Variants in USP24 observed in about 807,000 individuals in gnomAD.
USP24 encodes ubiquitin specific peptidase 24.
A neutral mutation model predicts 361.6 loss-of-function variants in USP24; 97 were observed. The observed-to-expected ratio is 0.27, with a 90% CI of 0.23 to 0.32. The LOEUF (loss-of-function observed/expected upper bound fraction) is 0.32. Ranked by LOEUF, USP24 falls within the 10% of genes least tolerant of loss-of-function variation. The pLI is 1.00. For missense variants in USP24, 2,353 were observed against 3,165.6 expected (o/e 0.74, Z 6.16); for synonymous variants, 1,098 against 1,124.6 (o/e 0.98, Z 0.47).
intron 1 of USP24, among the ~76,000 whole-genome samples, chr1:55,193,706 G>A (rs1644346884): frequency 6.6e-6 from 1 of 152,144 alleles, no homozygotes; most frequent in Non-Finnish European, 1.5e-5. Flanking sequence ...GCTGCTACAT[G>A]TCAGGAACAG....
intron 38 of USP24, among the ~76,000 whole-genome samples, chr1:55,113,092 C>CT (rs1013780109): frequency 4.0e-5 from 6 of 151,754 alleles, no homozygotes; most frequent in African/African-American, 1.5e-4. Context: ...GCAACCCCTG[C>CT]TTTTTTTTGC....
At chr1:55,185,464 T>TA (rs769816434) in intron 1 of USP24, among the ~76,000 whole-genome samples, 48 of 151,208 alleles carry the variant, frequency 3.2e-4, no homozygotes, top group Non-Finnish European at 6.3e-4. Flanking sequence ...TGAAAAAATT[T>TA]AAAAAAAAGG....
intron 67 of USP24, among the ~76,000 whole-genome samples, chr1:55,069,872 CAAAAAAAAAAAAAAA>C (rs11365818): frequency 2.8e-5 from 1 of 35,658 alleles, no homozygotes; most frequent in African/African-American, 1.2e-4. Context: ...CACTCCATCT[CAAAAAAAAAAAAAAA>C]AAAAAAAAAA....
chr1:55,099,982 G>T, intron 44 of USP24, 113 bp from the exon 45 acceptor site: 2 of 718,898 alleles, frequency 2.8e-6, no homozygotes, highest in Non-Finnish European at 4.5e-6. Flanking sequence ...TCACTATTAG[G>T]ATGTGGACAT....
intron 10 of USP24, among the ~76,000 whole-genome samples, chr1:55,157,734 T>TTCAGGAGGTTC (rs1647827494): frequency 6.7e-6 from 1 of 150,274 alleles, no homozygotes; most frequent in African/African-American, 2.5e-5. Flanking sequence ...CTCAGGAGGC[T>TTCAGGAGGTTC]AAGGCAGGAG....
At chr1:55,206,709 A>C (rs1212930579) in intron 1 of USP24, among the ~76,000 whole-genome samples, 1 of 151,888 alleles carries the variant, frequency 6.6e-6, no homozygotes, top group Non-Finnish European at 1.5e-5. Context: ...CAGAGTAGTA[A>C]CAGTGAGGAT....
Position 55,100,852 on chromosome 1 carries a change from T to C in USP24, c.5258A>G (p.Glu1753Gly), listed in dbSNP as rs140601669. The C allele has an allele frequency of 6.2e-7, 1 of 1,605,012 alleles. No homozygotes were observed. Among genetic ancestry groups the C allele is most frequent in the African/African-American group, 1.3e-5 (1 of 74,630 alleles). Residue 1753 changes from glutamate (E) to glycine (G), a missense_variant, in exon 44 of 68, where the codon GAG becomes GGG. Transcript: ENST00000294383. ...TGGGTGAAATACCTTCCAAAAATTC[T>C]CAGGTACATAGTACTGCAGCTTGCT... ...MESKLQYYVP[E>G]NFWKIFKMWN...
chr1:55,121,536 T>C (rs1413601303), intron 36 of USP24, 30 bp from the exon 37 acceptor site: 2 of 1,592,964 alleles, frequency 1.3e-6, no homozygotes, highest in African/African-American at 1.3e-5. Context: ...GATGTGGGTG[T>C]GTGAAACAAG....
At position 55,092,090 on chromosome 1, in the gene USP24, T is replaced by G. The variant is rs1645389646; in HGVS notation, c.6487A>C (p.Lys2163Gln). ...LKHPYYPCMA[K>Q]VSLQLAIQFL... Reference sequence around the variant, plus strand: ...TGAATAGCAAGCTGTAAGCTCACCTTTGCCATGCAAGGATAATATGGATGC... The same window carrying G: ...TGAATAGCAAGCTGTAAGCTCACCTGTGCCATGCAAGGATAATATGGATGC... Residue 2163 changes from lysine to glutamine, a missense_variant, in exon 54 of 68, where the codon AAG (lysine) becomes CAG (glutamine). Physicochemically the swap from Lys to Gln is moderately conservative, Grantham distance 53. Transcript: ENST00000294383. 1 of 1,612,708 alleles carries G rather than the reference T, an allele frequency of 6.2e-7. No individual in the cohort carries two copies. Among genetic ancestry groups the G allele is most frequent in the Non-Finnish European group, 8.5e-7 (1 of 1,179,328 alleles).
chr1:55,131,743 A>T lies in USP24; in HGVS notation c.3537+802T>A, dbSNP rs1458043971. ...GAAAAAATGCAGGTACCCTCTTAAA[A>T]TTTTTGACTTTTGTGTACTTAAGAT... is the stretch of plus-strand genomic sequence containing the variant. On this transcript the variant is annotated intron_variant, in intron 31 of 67. Coordinates refer to ENST00000294383, the MANE Select transcript of USP24 (RefSeq NM_015306.3). Among the ~76,000 whole-genome samples the T allele has an allele frequency of 3.3e-5, 5 of 152,220 alleles. No homozygotes were observed. The East Asian group carries it at 9.6e-4, about 29-fold the overall frequency.
chr1:55,171,614 G>C lies in USP24; in HGVS notation c.767C>G (p.Ala256Gly), dbSNP rs766258920. ...CATATTTCCCTCTCCAAACACTTCTGCCCAATTCCTTTGAGACACTTTCAT... is the reference window on the plus strand; with the variant it reads ...CATATTTCCCTCTCCAAACACTTCTCCCCAATTCCTTTGAGACACTTTCAT... ...NRMKVSQRNW[A>G]EVFGEGNMFA... The change falls in exon 5 of 68, where the codon GCA becomes GGA. Residue 256 changes from alanine (A) to glycine (G), a missense_variant. Ala to Gly is a moderately conservative substitution (Grantham distance 60). Transcript: ENST00000294383. The C allele has an allele frequency of 6.2e-7, 1 of 1,610,378 alleles. No individual in the cohort carries two copies. The highest frequency in any genetic ancestry group is 1.7e-5 in the Admixed American group (1 of 59,532).
intron 38 of USP24, among the ~76,000 whole-genome samples, chr1:55,111,784 T>G (rs1645961979): frequency 1.3e-5 from 2 of 152,114 alleles, no homozygotes; most frequent in African/African-American, 4.8e-5. Flanking sequence ...AATGACCTCA[T>G]CTCAGAAACC....
At chr1:55,169,886 A>T (rs148936836) in intron 5 of USP24, among the ~76,000 whole-genome samples, 14 of 152,302 alleles carry the variant, frequency 9.2e-5, no homozygotes, top group Non-Finnish European at 1.9e-4. Flanking sequence ...CACAAGTAAA[A>T]TAAAGAGGTA....
chr1:55,120,791 T>C, intron 37 of USP24, 35 bp from the exon 38 acceptor site: 1 of 1,525,688 alleles, frequency 6.6e-7, no homozygotes, highest in Non-Finnish European at 8.8e-7. Flanking sequence ...AGGACAGACA[T>C]GAATCAACAT....
chr1:55,108,801 T>C (rs1237866955), intron 39 of USP24, among the ~76,000 whole-genome samples: 1 of 152,228 alleles, frequency 6.6e-6, no homozygotes, highest in African/African-American at 2.4e-5. Flanking sequence ...GTATGGCTGC[T>C]GGTCAGCTTT....
chr1:55,115,289 C>T lies in USP24; in HGVS notation c.4509-5043G>A, dbSNP rs571783678. On this transcript the variant is annotated intron_variant, in intron 38 of 67. Transcript: ENST00000294383. ...ATCCCAGCACTTTGGGAGGCCGAGGCGGGCGAATCACGAGGTCTAAAACGG... is the reference window on the plus strand; with the variant it reads ...ATCCCAGCACTTTGGGAGGCCGAGGTGGGCGAATCACGAGGTCTAAAACGG... 3.1e-3 allele frequency among the ~76,000 whole-genome samples: 476 copies of T among 151,836 alleles called. 5 individuals carry two copies. Among genetic ancestry groups the T allele is most frequent in the African/African-American group, 0.011 (448 of 41,456 alleles).
chr1:55,184,368 T>C lies in USP24; in HGVS notation c.325-6236A>G, dbSNP rs941249716. Reference sequence around the variant, plus strand: ...CACCACACCCAGCCAGGAAAGGTTATTTTGTAATGATAAAAGGTTAATCCA... The same window carrying C: ...CACCACACCCAGCCAGGAAAGGTTACTTTGTAATGATAAAAGGTTAATCCA... On this transcript the variant is annotated intron_variant, in intron 1 of 67. Transcript: ENST00000294383. Among the ~76,000 whole-genome samples the C allele has an allele frequency of 4.6e-5, 7 of 152,326 alleles. No homozygotes were observed. In the South Asian group the frequency reaches 1.4e-3, roughly 32 times the overall value.
chr1:55,084,973 T>C (rs1171844599), intron 56 of USP24, among the ~76,000 whole-genome samples: 4 of 152,224 alleles, frequency 2.6e-5, no homozygotes, highest in African/African-American at 4.8e-5. Flanking sequence ...ATGGTCCTTA[T>C]GTTAAGGATT....
chr1:55,146,793 T>G, intron 19 of USP24, 136 bp downstream of exon 19: 1 of 951,140 alleles, frequency 1.1e-6, no homozygotes, highest in Non-Finnish European at 1.5e-6. Context: ...AAACATTTTT[T>G]CAGCACTTAC....
Sources: gnomAD v4.1 joint callset for allele counts (sites outside exome capture counted in the v4.1 genomes callset) on GRCh38, gnomAD v4.1.1 for gene constraint, MANE v1.5 for transcripts, NCBI Gene and HGNC (gene_info 2026-07-23, HGNC 2026-07-21) for gene names.